Variants in ASIC4 observed in about 807,000 individuals in gnomAD.
The protein encoded by ASIC4 is acid sensing ion channel subunit family member 4.
In ASIC4, 28 loss-of-function variants were observed where a neutral mutation model predicts 53.4. The observed-to-expected ratio is 0.52, with a 90% confidence interval of 0.39 to 0.72. The LOEUF (loss-of-function observed/expected upper bound fraction) is 0.72, where lower values mean the gene tolerates loss of function less well. Ranked by LOEUF, ASIC4 falls within the 30% of genes least tolerant of loss-of-function variation. The pLI, the probability that ASIC4 is intolerant of heterozygous loss-of-function variation, is 0.00. For missense variants in ASIC4, 649 were observed against 729.7 expected (o/e 0.89, Z 1.27); for synonymous variants, 289 against 301.4 (o/e 0.96, Z 0.43).
Position 219,514,536 on chromosome 2 carries a change from T to C in ASIC4, c.-189T>C. The C allele has an allele frequency of 6.4e-7, 1 of 1,554,898 alleles. No homozygotes were observed. The highest frequency in any genetic ancestry group is 8.7e-7 in the Non-Finnish European group (1 of 1,149,434). On this transcript the variant is annotated 5_prime_UTR_variant, in exon 1 of 10. Coordinates refer to ENST00000358078, the MANE Select transcript of ASIC4 (RefSeq NM_018674.6). The stretch of plus-strand genomic sequence containing the variant: ...GCAGCGGCAGAGGCAGCACCAGGGC[T>C]GCGGAGCTGCTGGGAGTGGGAGTGA...
rs3770236 is a variant in ASIC4 at position 219,536,406 on chromosome 2, T to C, written c.1230-660T>C. Among the ~76,000 whole-genome samples the C allele has an allele frequency of 0.23, 35,541 of 152,038 alleles. 4,358 individuals carry two copies. The highest frequency in any genetic ancestry group is 0.3 in the African/African-American group (12,598 of 41,444). ...GGGTGCCAGGCTCAGTGCTGGGTTC[T>C]GTGGGGACAGATGATTATGACACAA... On this transcript the variant is annotated intron_variant, in intron 6 of 9. Transcript: ENST00000358078. This position sits in a 1 kb window ranked among gnomAD's most constrained non-coding sequence, Gnocchi z 4.6.
chr2:219,528,825 C>G (rs2125664463), intron 1 of ASIC4, among the ~76,000 whole-genome samples: 1 of 152,328 alleles, frequency 6.6e-6, no homozygotes, highest in East Asian at 1.9e-4. Flanking sequence ...CAGGTGTGAG[C>G]CACTGCACCT....
upstream of ASIC4, among the ~76,000 whole-genome samples, chr2:219,513,176 T>C (rs1434197607): frequency 1.3e-5 from 2 of 151,746 alleles, no homozygotes; most frequent in East Asian, 1.9e-4. Flanking sequence ...TGGAGCCACC[T>C]CCCCCCGCCC....
In ASIC4 at chr2:219,537,508, A is replaced by G; in HGVS notation, c.1402-124A>G. ...GAGAAGGGGATGGGTGAGGAGGAGG[A>G]GGGTGTCCTACTGGGAGTTTGCTGT... is the stretch of plus-strand genomic sequence containing the variant. On this transcript the variant is annotated intron_variant, in intron 8 of 9. Transcript: ENST00000358078. This position sits in a 1 kb window ranked among gnomAD's most constrained non-coding sequence, Gnocchi z 4.9. 9.7e-7 allele frequency: 1 copy of G among 1,025,860 alleles called. No homozygotes were observed. Among genetic ancestry groups the G allele is most frequent in the African/African-American group, 1.6e-5 (1 of 62,336 alleles). The allele number at this position is 1,025,860 out of a possible 1,614,324, so 63.5% of individuals were successfully genotyped here.
chr2:219,507,835 A>C, the ASIC4 span, among the ~76,000 whole-genome samples: 6 of 152,128 alleles, frequency 3.9e-5, no homozygotes, highest in Non-Finnish European at 7.4e-5. Flanking sequence ...CAGGGGTGGC[A>C]GGCAGCAGGG....
At chr2:219,532,281 C>T (rs1212878075) in intron 3 of ASIC4, 34 bp from the exon 4 acceptor site, 2 of 1,599,698 alleles carry the variant, frequency 1.3e-6, no homozygotes, top group South Asian at 1.1e-5. Context: ...GGTGGGATTC[C>T]TGAGCATGAC....
rs1460402938 is a variant in ASIC4, at chr2:219,536,684, C to T, written c.1230-382C>T. The stretch of plus-strand genomic sequence containing the variant: ...AGACGGCGGCTGGGGAGGAAGGTGC[C>T]GGGGACAGGCCACCGGCTGCCCAGG... On this transcript the variant is annotated intron_variant, in intron 6 of 9. Transcript: ENST00000358078. This position sits in a 1 kb window ranked among gnomAD's most constrained non-coding sequence, Gnocchi z 4.6. 2.0e-5 allele frequency among the ~76,000 whole-genome samples: 3 copies of T among 152,002 alleles called. No homozygotes were observed. Among genetic ancestry groups the T allele is most frequent in the African/African-American group, 4.8e-5 (2 of 41,448 alleles).
chr2:219,512,140 T>TGCTCCACTTCCTG (rs1423442935), upstream of ASIC4, among the ~76,000 whole-genome samples: 6 of 152,110 alleles, frequency 3.9e-5, no homozygotes, highest in East Asian at 1.2e-3. Context: ...AGCTAATTGC[T>TGCTCCACTTCCTG]GCTCCACTTC....
At chr2:219,507,447 G>A in the ASIC4 span, among the ~76,000 whole-genome samples, 1 of 152,230 alleles carries the variant, frequency 6.6e-6, no homozygotes. Context: ...TTGGCAGGGT[G>A]GGGGTTTTGC....
At chr2:219,512,852 C>T (rs1398917999), upstream of ASIC4, among the ~76,000 whole-genome samples, 1 of 152,256 alleles carries the variant, frequency 6.6e-6, no homozygotes, top group Non-Finnish European at 1.5e-5. Flanking sequence ...AGGCTAGGGA[C>T]AACCTAAGCA....
intron 1 of ASIC4, among the ~76,000 whole-genome samples, chr2:219,525,127 G>T (rs1010436583): frequency 2.0e-5 from 3 of 152,174 alleles, no homozygotes; most frequent in African/African-American, 4.8e-5. Flanking sequence ...CAAAATATAT[G>T]CCCCTTTCCC....
In ASIC4 at chr2:219,532,150, C is replaced by T. The variant is rs1022031899; in HGVS notation, c.855+22C>T. On this transcript the variant is annotated intron_variant, in intron 3 of 9. Coordinates refer to ENST00000358078, the MANE Select transcript of ASIC4 (RefSeq NM_018674.6). ...GCGGGTGAGCATCTCCTGCTAGGCC[C>T]TGGATTGGGCACAGGGCTCGCCTTT... 4 of 1,613,648 alleles carry T rather than the reference C, an allele frequency of 2.5e-6. No individual in the cohort carries two copies. The African/African-American group carries it at 5.3e-5, about 22-fold the overall frequency.
upstream of ASIC4, among the ~76,000 whole-genome samples, chr2:219,512,725 C>A (rs926323468): frequency 6.6e-6 from 1 of 152,238 alleles, no homozygotes; most frequent in Non-Finnish European, 1.5e-5. Context: ...CAGCCAGATG[C>A]ATCACCCTGC....
rs750001298 is a variant in ASIC4 at position 219,532,915 on chromosome 2, A to G, written c.1051A>G (p.Ile351Val). The G allele has an allele frequency of 4.3e-6, 7 of 1,614,134 alleles. No homozygotes were observed. In the South Asian group the frequency reaches 4.4e-5, roughly 10 times the overall value. The part of the protein sequence containing the change: ...NETICPPNIY[I>V]ECADHTLDSL... ...GACCATCTGCCCACCAAATATCTAC[A>G]TCGAGTGTGCAGACCACACACTGGG... The change falls in exon 5 of 10, where the codon ATC becomes GTC. Residue 351 changes from isoleucine to valine, a missense_variant. Physicochemically the swap from Ile to Val is conservative, Grantham distance 29. Coordinates refer to ENST00000358078, the MANE Select transcript of ASIC4 (RefSeq NM_018674.6).
chr2:219,537,734 C>CAGGTGA lies in ASIC4; in HGVS notation c.1505_1506+4dup. The stretch of plus-strand genomic sequence containing the variant: ...TTTGGGGCTTCAGGAGCTGAAGGAA[C>CAGGTGA]AGGTGAGGACAAGCTCTAAATGCCT... On this transcript the variant is annotated inframe_insertion and splice_region_variant, in exon 9 of 10. Transcript: ENST00000358078. The surrounding 1 kb of genome is among the most constrained non-coding windows in gnomAD (Gnocchi z 4.9). The CAGGTGA allele has an allele frequency of 1.9e-6, 3 of 1,612,774 alleles. No individual in the cohort carries two copies. Among genetic ancestry groups the CAGGTGA allele is most frequent in the Non-Finnish European group, 2.5e-6 (3 of 1,179,330 alleles).
At chr2:219,528,899 G>T (rs1047096648) in intron 1 of ASIC4, among the ~76,000 whole-genome samples, 1 of 152,258 alleles carries the variant, frequency 6.6e-6, no homozygotes. Context: ...AGTGACTTGC[G>T]ATAAGAGCAC....
chr2:219,521,500 T>C (rs1694884110), intron 1 of ASIC4, among the ~76,000 whole-genome samples: 1 of 152,014 alleles, frequency 6.6e-6, no homozygotes, highest in Non-Finnish European at 1.5e-5. Flanking sequence ...CTCTGCTAGG[T>C]CCAGGCAGGG....
At chr2:219,527,729 G>A (rs1478902325) in intron 1 of ASIC4, among the ~76,000 whole-genome samples, 1 of 152,214 alleles carries the variant, frequency 6.6e-6, no homozygotes, top group Non-Finnish European at 1.5e-5. Context: ...AAAATACTTA[G>A]CTCATATGGG....
At chr2:219,519,530 C>T (rs923768151) in intron 1 of ASIC4, among the ~76,000 whole-genome samples, 1 of 152,234 alleles carries the variant, frequency 6.6e-6, no homozygotes, top group African/African-American at 2.4e-5. Context: ...GGAGTGCGCA[C>T]ACACTGTCTA....
Sources: allele counts gnomAD v4.1 joint callset (sites outside exome capture counted in the v4.1 genomes callset), GRCh38; gene constraint gnomAD v4.1.1; non-coding constraint Gnocchi (gnomAD v3.1); transcripts MANE v1.5; gene names NCBI Gene and HGNC (gene_info 2026-07-23, HGNC 2026-07-21).